WDR27: variants seen among roughly 807,000 people sequenced by gnomAD.
WDR27 encodes WD repeat domain 27.
WDR27 carries 100 observed loss-of-function variants against 114.4 expected under a neutral mutation model. That is an observed-to-expected ratio of 0.87 (90% CI 0.74 to 1.03). WDR27 has a LOEUF of 1.03. Ranked by LOEUF, WDR27 falls within the 50% of genes least tolerant of loss-of-function variation. The pLI is 0.00. For synonymous variants in WDR27, 449 were observed against 423.1 expected, an observed-to-expected ratio of 1.06 and a Z score of -0.75; for missense variants, 1,129 against 1,092.9, an observed-to-expected ratio of 1.03 and a Z score of -0.47.
chr6:169,529,214 GT>G (rs1164069404), intron 25 of WDR27, among the ~76,000 whole-genome samples: 2 of 150,288 alleles, frequency 1.3e-5, no homozygotes, highest in African/African-American at 4.9e-5. Flanking sequence ...ATTTCACTAT[GT>G]GCGTGTGCAT....
intron 25 of WDR27, among the ~76,000 whole-genome samples, chr6:169,567,773 C>T (rs1391087133): frequency 2.6e-5 from 4 of 152,132 alleles, no homozygotes; most frequent in African/African-American, 9.7e-5. Context: ...GCGAGTCCTG[C>T]TTTTTAGGAT....
intron 23 of WDR27, among the ~76,000 whole-genome samples, chr6:169,601,782 G>T: frequency 6.6e-6 from 1 of 152,354 alleles, no homozygotes; most frequent in East Asian, 1.9e-4. Flanking sequence ...ACCATGAGGC[G>T]CATGCGCATA....
the WDR27 span, among the ~76,000 whole-genome samples, chr6:169,451,752 GT>G: frequency 2.6e-5 from 4 of 152,158 alleles, no homozygotes; most frequent in Admixed American, 2.6e-4. Context: ...TCTCGTTTTG[GT>G]TTTAATTTGC....
rs774511005 is a variant in WDR27 at position 169,647,873 on chromosome 6, G to A, written c.1560-3C>T. The A allele has an allele frequency of 6.5e-7, 1 of 1,549,518 alleles. No individual in the cohort carries two copies. Among genetic ancestry groups the A allele is most frequent in the South Asian group, 1.2e-5 (1 of 81,776 alleles). The stretch of plus-strand genomic sequence containing the variant: ...CGCACTCCACGGGGTATGCCTCCCT[G>A]AGGGAAGGCCACAGGTAACGGTGAT... On this transcript the variant is annotated splice_region_variant and splice_polypyrimidine_tract_variant and intron_variant, in intron 15 of 25. Transcript: ENST00000448612.
chr6:169,535,333 A>T (rs1393626676), intron 25 of WDR27, among the ~76,000 whole-genome samples: 1 of 152,184 alleles, frequency 6.6e-6, no homozygotes, highest in Non-Finnish European at 1.5e-5. Context: ...CTTGCTTGAC[A>T]TGTCAGGGCC....
At chr6:169,658,165 G>T in intron 13 of WDR27, 111 bp downstream of exon 13, 1 of 829,284 alleles carries the variant, frequency 1.2e-6, no homozygotes, top group Non-Finnish European at 2.0e-6. Context: ...ATGGAAGGAA[G>T]TACGGAATGC....
intron 25 of WDR27, among the ~76,000 whole-genome samples, chr6:169,508,736 T>C (rs1273097692): frequency 6.6e-6 from 1 of 152,218 alleles, no homozygotes; most frequent in Non-Finnish European, 1.5e-5. Context: ...ACAACACTTG[T>C]GGAAATGTAA....
chr6:169,429,323 C>T, the WDR27 span, among the ~76,000 whole-genome samples: 1 of 152,114 alleles, frequency 6.6e-6, no homozygotes, highest in Admixed American at 6.5e-5. Context: ...GCTTCAGCCG[C>T]CCCCGTGCCA....
At chr6:169,458,943 A>G (rs1048868949) in intron 25 of WDR27, among the ~76,000 whole-genome samples, 6 of 152,184 alleles carry the variant, frequency 3.9e-5, no homozygotes, top group African/African-American at 1.4e-4. Flanking sequence ...ATAAACAAAA[A>G]TAAACAAAAC....
chr6:169,434,116 CT>C, the WDR27 span, among the ~76,000 whole-genome samples: 1 of 152,164 alleles, frequency 6.6e-6, no homozygotes, highest in Non-Finnish European at 1.5e-5. Context: ...TCAATTTCGG[CT>C]TTTGTTGCCA....
intron 21 of WDR27, among the ~76,000 whole-genome samples, chr6:169,621,734 A>C (rs1341963323): frequency 1.3e-5 from 2 of 151,414 alleles, no homozygotes; most frequent in African/African-American, 4.8e-5. Context: ...ATTCACACAT[A>C]TACATACACA....
the WDR27 span, among the ~76,000 whole-genome samples, chr6:169,449,502 AG>A: frequency 6.6e-6 from 1 of 152,092 alleles, no homozygotes; most frequent in South Asian, 2.1e-4. Flanking sequence ...ACCCTAGGCA[AG>A]CAGAGGGCCT....
At chr6:169,552,469 T>C (rs1260430878) in intron 25 of WDR27, among the ~76,000 whole-genome samples, 2 of 152,192 alleles carry the variant, frequency 1.3e-5, no homozygotes, top group Non-Finnish European at 2.9e-5. Flanking sequence ...AAATGATATA[T>C]ATTTAACAGC....
intron 23 of WDR27, among the ~76,000 whole-genome samples, chr6:169,583,460 TAA>T (rs1803869376): frequency 7.0e-6 from 1 of 143,184 alleles, no homozygotes; most frequent in Non-Finnish European, 1.5e-5. Context: ...AGTTCCTCTT[TAA>T]TTGTGTGTGT....
At chr6:169,440,340 T>A in the WDR27 span, among the ~76,000 whole-genome samples, 1 of 152,184 alleles carries the variant, frequency 6.6e-6, no homozygotes, top group Non-Finnish European at 1.5e-5. Flanking sequence ...AGAAGAGAAA[T>A]AGTTATTTCC....
Position 169,667,181 on chromosome 6 carries a change from C to T in WDR27, c.667G>A (p.Asp223Asn). The T allele has an allele frequency of 5.3e-6, 8 of 1,519,784 alleles. No individual in the cohort carries two copies. Among genetic ancestry groups the T allele is most frequent in the Non-Finnish European group, 7.0e-6 (8 of 1,136,276 alleles). The allele number at this position is 1,519,784 out of a possible 1,614,324, so 94.1% of individuals were successfully genotyped here. The change falls in exon 6 of 26, where the codon GAC (aspartate) becomes AAC (asparagine). Residue 223 changes from aspartate (D) to asparagine (N), a missense_variant. Asp to Asn is a conservative substitution (Grantham distance 23). Transcript: ENST00000448612. ...ASEDRGFKVW[D>N]HCTGSLIYSS... ...TATATTAATGATCCTGTACAATGGT[C>T]CCAGACCTTTGGATAAACACAGGAT...
Position 169,592,213 on chromosome 6 carries a change from C to T in WDR27, c.2425-9279G>A, listed in dbSNP as rs557252141. Among the ~76,000 whole-genome samples the T allele has an allele frequency of 4.6e-5, 7 of 152,234 alleles. No homozygotes were observed. In the South Asian group the frequency reaches 1.2e-3, roughly 27 times the overall value. ...TTCTCCCAAGTAACTTTCAGTCTAA[C>T]AGTACAGCTACAGAAAAACCTACTG... On this transcript the variant is annotated intron_variant, in intron 23 of 25. Transcript: ENST00000448612.
At chr6:169,475,222 T>G (rs899427678) in intron 25 of WDR27, among the ~76,000 whole-genome samples, 3 of 152,272 alleles carry the variant, frequency 2.0e-5, no homozygotes, top group Non-Finnish European at 4.4e-5. Flanking sequence ...TCTACTTATT[T>G]ATTGATTGAT....
chr6:169,652,102 A>G, intron 13 of WDR27, 94 bp from the exon 14 acceptor site: 1 of 1,090,036 alleles, frequency 9.2e-7, no homozygotes, highest in Non-Finnish European at 1.3e-6. Context: ...AAACAGAAAC[A>G]TTCACACAAA....
Sources: gnomAD v4.1 joint callset for allele counts (sites outside exome capture counted in the v4.1 genomes callset) on GRCh38, gnomAD v4.1.1 for gene constraint, MANE v1.5 for transcripts, NCBI Gene and HGNC (gene_info 2026-07-23, HGNC 2026-07-21) for gene names.